The following C16orf96 variants were observed in gnomAD, a reference collection of about 807,000 sequenced individuals.
C16orf96 encodes chromosome 16 open reading frame 96.
Under a neutral mutation model 103.6 loss-of-function variants are expected in C16orf96, and 108 were observed. The observed-to-expected ratio is 1.04, with a 90% confidence interval of 0.89 to 1.22. The LOEUF is 1.22. Ranked by LOEUF, C16orf96 falls within the 50% of genes most tolerant of loss-of-function variation. The pLI is 0.00. For synonymous variants in C16orf96, 566 were observed against 593.5 expected (o/e 0.95, Z 0.67); for missense variants, 1,586 against 1,464.2 (o/e 1.08, Z -1.36).
chr16:4,541,201 C>T, the C16orf96 span, among the ~76,000 whole-genome samples: 28 of 152,284 alleles, frequency 1.8e-4, no homozygotes, highest in South Asian at 4.1e-4. Flanking sequence ...CGTGAGCCAC[C>T]GCGCCCGGCC....
chr16:4,578,975 G>A lies in C16orf96; in HGVS notation c.2191G>A (p.Val731Met), dbSNP rs1239462260. The A allele has an allele frequency of 1.9e-6, 3 of 1,551,480 alleles. No individual in the cohort carries two copies. The East Asian group carries it at 7.3e-5, about 38-fold the overall frequency. ...MGGPSSLGTT[V>M]DILQKKIGSL... ...AGGTCCTTCCAGCCTCGGGACAACAGTGGACATATTGCAGAAAAAGATTGG... is the reference window on the plus strand; with the variant it reads ...AGGTCCTTCCAGCCTCGGGACAACAATGGACATATTGCAGAAAAAGATTGG... The change falls in exon 6 of 16, where the codon GTG becomes ATG. Residue 731 changes from valine to methionine, a missense_variant. Coordinates refer to ENST00000444310, the MANE Select transcript of C16orf96 (RefSeq NM_001145011.2).
upstream of C16orf96, among the ~76,000 whole-genome samples, chr16:4,556,302 T>C (rs1482756535): frequency 6.6e-6 from 1 of 152,116 alleles, no homozygotes; most frequent in African/African-American, 2.4e-5. Flanking sequence ...CATTCTTTGG[T>C]GTCCTGGCAA....
intron 9 of C16orf96, among the ~76,000 whole-genome samples, 195 bp downstream of exon 9, chr16:4,588,526 C>G (rs540959174): frequency 6.6e-6 from 1 of 152,068 alleles, no homozygotes; most frequent in Non-Finnish European, 1.5e-5. Context: ...TCTGAAGGCT[C>G]GAATGAGGCT....
chr16:4,556,806 A>G lies in C16orf96; in HGVS notation c.317A>G (p.Gln106Arg). 1.3e-6 allele frequency: 2 copies of G among 1,551,650 alleles called. No homozygotes were observed. The highest frequency in any genetic ancestry group is 1.7e-6 in the Non-Finnish European group (2 of 1,147,008). Residue 106 changes from glutamine to arginine, a missense_variant, in exon 1 of 16, where the codon CAG (glutamine) becomes CGG (arginine). Gln to Arg is a conservative substitution (Grantham distance 43, BLOSUM62 1). Transcript: ENST00000444310. Reference protein sequence around the residue: ...ALLQDLPSTAQLLEASQGTAR... With the variant: ...ALLQDLPSTARLLEASQGTAR... ...CTGCAGGACCTGCCCTCCACTGCCCAGCTGCTGGAAGCCAGCCAGGGCACT... is the reference window on the plus strand; with the variant it reads ...CTGCAGGACCTGCCCTCCACTGCCCGGCTGCTGGAAGCCAGCCAGGGCACT...
At position 4,579,996 on chromosome 16, in the gene C16orf96, CTG is replaced by C. The variant is rs1402601078; in HGVS notation, c.2242-15_2242-14del. The C allele has an allele frequency of 6.5e-7, 1 of 1,544,944 alleles. No homozygotes were observed. Among genetic ancestry groups the C allele is most frequent in the Non-Finnish European group, 8.8e-7 (1 of 1,141,158 alleles). ...CTTCAGAAGCAGAGGCCTGGGGTGTCTGTGTCTCCCCCTTTTAGGAGGAAGAA... is the reference window on the plus strand; with the variant it reads ...CTTCAGAAGCAGAGGCCTGGGGTGTCTGTCTCCCCCTTTTAGGAGGAAGAA... On this transcript the variant is annotated splice_polypyrimidine_tract_variant and intron_variant, in intron 6 of 15. Coordinates refer to ENST00000444310, the MANE Select transcript of C16orf96 (RefSeq NM_001145011.2).
upstream of C16orf96, among the ~76,000 whole-genome samples, chr16:4,551,443 G>A (rs763842394): frequency 2.0e-5 from 3 of 151,952 alleles, no homozygotes; most frequent in African/African-American, 7.3e-5. Context: ...ACTCCATTTC[G>A]GGACTTTTGT....
In C16orf96 at chr16:4,556,894, T is replaced by A. The variant is rs1036921392; in HGVS notation, c.405T>A (p.Asp135Glu). ...TCCGGAAGATGGTGGAGGGTCATGA[T>A]GAAGTCATGGCCAAGGTACGCCCCC... ...IKLRKMVEGHDEVMAKSMQTL... is the reference protein window; with the variant it reads ...IKLRKMVEGHEEVMAKSMQTL... The change falls in exon 1 of 16, where the codon GAT (aspartate) becomes GAA (glutamate). Residue 135 changes from aspartate to glutamate, a missense_variant. Coordinates refer to ENST00000444310, the MANE Select transcript of C16orf96 (RefSeq NM_001145011.2). The A allele has an allele frequency of 3.0e-5, 46 of 1,544,904 alleles. No homozygotes were observed. Among genetic ancestry groups the A allele is most frequent in the Middle Eastern group, 3.3e-4 (2 of 5,992 alleles).
At chr16:4,549,667 G>C in the C16orf96 span, among the ~76,000 whole-genome samples, 3 of 151,944 alleles carry the variant, frequency 2.0e-5, no homozygotes, top group South Asian at 6.2e-4. Context: ...GCAGGGTTGC[G>C]GGCGCCTGCA....
intron 5 of C16orf96, 88 bp downstream of exon 5, chr16:4,576,723 T>A (rs7206416): frequency 0.047 from 60,979 of 1,287,230 alleles, 3,702 homozygotes; most frequent in African/African-American, 0.28. Context: ...TTCACTGGGC[T>A]CCACCAACAA....
chr16:4,597,447 G>T (rs1209129835), intron 14 of C16orf96, among the ~76,000 whole-genome samples: 3 of 152,142 alleles, frequency 2.0e-5, no homozygotes, highest in African/African-American at 4.8e-5. Context: ...TCATTCACTG[G>T]CCTCCCCAAG....
chr16:4,593,121 T>C lies in C16orf96; in HGVS notation c.2775-103T>C. The C allele has an allele frequency of 8.8e-7, 1 of 1,132,204 alleles. No individual in the cohort carries two copies. Among genetic ancestry groups the C allele is most frequent in the South Asian group, 1.3e-5 (1 of 74,198 alleles). 70.1% of individuals were successfully genotyped at this position (1,132,204 alleles called of 1,614,324 possible). A position where few individuals can be genotyped will look rare whatever the true frequency, so the allele number is the denominator to read the frequency against. ...GAGGGTGGTGACCTGAGTCTGCACC[T>C]CCTTCCTCCTGCTGGGAAGGCTTCC... On this transcript the variant is annotated intron_variant, in intron 11 of 15. Coordinates refer to ENST00000444310, the MANE Select transcript of C16orf96 (RefSeq NM_001145011.2). The surrounding 1 kb of genome is among the most constrained non-coding windows in gnomAD (Gnocchi z 4.2).
At chr16:4,560,659 C>T (rs1022042386) in intron 1 of C16orf96, 3 of 151,884 alleles carry the variant, frequency 2.0e-5, no homozygotes, top group African/African-American at 7.3e-5. Flanking sequence ...TTCAAAGACA[C>T]AAATAGGGCC....
chr16:4,594,801 C>T lies in C16orf96; in HGVS notation c.3125C>T (p.Ala1042Val). The change falls in exon 14 of 16, where the codon GCA becomes GTA. Residue 1042 changes from alanine (A) to valine (V), a missense_variant and splice_region_variant. By Grantham distance (64) the Ala-to-Val change is moderately conservative. Coordinates refer to ENST00000444310, the MANE Select transcript of C16orf96 (RefSeq NM_001145011.2). ...CCCTTGGCCGTCGCAAAGGAGCTGG[C>T]AGGTGAGGGGCGTAGGGCTCCCTGG... ...AQPLAVAKEL[A>V]AVKAPSPPSQ... 1 of 1,550,066 alleles carries T rather than the reference C, an allele frequency of 6.5e-7. No homozygotes were observed. Among genetic ancestry groups the T allele is most frequent in the Non-Finnish European group, 8.7e-7 (1 of 1,146,808 alleles).
At chr16:4,549,098 C>T in the C16orf96 span, among the ~76,000 whole-genome samples, 1 of 151,760 alleles carries the variant, frequency 6.6e-6, no homozygotes, top group Admixed American at 6.6e-5. Context: ...ATATGGAGAC[C>T]CTATTAAAAA....
Position 4,592,416 on chromosome 16 carries a change from C to A in C16orf96, c.2774+49C>A, listed in dbSNP as rs116643742. On this transcript the variant is annotated intron_variant, in intron 11 of 15. Transcript: ENST00000444310. ...CCCGGCCCTAAGGGCTTGTGGGGCCCATGGAGGTCATCTCCGTGCACCTCC... is the reference window on the plus strand; with the variant it reads ...CCCGGCCCTAAGGGCTTGTGGGGCCAATGGAGGTCATCTCCGTGCACCTCC... 1.8e-3 allele frequency: 2,735 copies of A among 1,545,678 alleles called. 34 individuals carry two copies. In the African/African-American group the frequency reaches 0.03, roughly 17 times the overall value.
chr16:4,577,968 T>G (rs910920895), intron 5 of C16orf96, among the ~76,000 whole-genome samples: 1 of 150,168 alleles, frequency 6.7e-6, no homozygotes, highest in Non-Finnish European at 1.5e-5. Flanking sequence ...AAAAAAAGCC[T>G]GAGTGGTGGC....
In C16orf96 at chr16:4,593,198, C is replaced by G; in HGVS notation, c.2775-26C>G. 1 of 1,548,048 alleles carries G rather than the reference C, an allele frequency of 6.5e-7. No homozygotes were observed. The highest frequency in any genetic ancestry group is 2.4e-5 in the East Asian group (1 of 40,868). On this transcript the variant is annotated intron_variant, in intron 11 of 15. Transcript: ENST00000444310. The surrounding 1 kb of genome is among the most constrained non-coding windows in gnomAD (Gnocchi z 4.2). ...CTGGCCTAGCACGCCTCCCACAGCC[C>G]CTGCTGTGCCCTTGTCCTCCAACAG...
chr16:4,593,095 C>A lies in C16orf96; in HGVS notation c.2775-129C>A. The A allele has an allele frequency of 1.2e-6, 1 of 836,934 alleles. No individual in the cohort carries two copies. Among genetic ancestry groups the A allele is most frequent in the Non-Finnish European group, 1.9e-6 (1 of 522,336 alleles). 51.8% of individuals were successfully genotyped at this position (836,934 alleles called of 1,614,324 possible). A position where few individuals can be genotyped will look rare whatever the true frequency, so the allele number is the denominator to read the frequency against. ...CTATGCTGTGGACGCTTCTGGCATT[C>A]GAGGGTGGTGACCTGAGTCTGCACC... On this transcript the variant is annotated intron_variant, in intron 11 of 15. Coordinates refer to ENST00000444310, the MANE Select transcript of C16orf96 (RefSeq NM_001145011.2). The surrounding 1 kb of genome is among the most constrained non-coding windows in gnomAD (Gnocchi z 4.2).
upstream of C16orf96, among the ~76,000 whole-genome samples, chr16:4,552,827 G>A (rs61086542): frequency 8.2e-3 from 1,244 of 152,282 alleles, 17 homozygotes; most frequent in African/African-American, 0.028. Flanking sequence ...AATGCTTGGT[G>A]TTGCCAGAAC....
Sources: allele counts gnomAD v4.1 joint callset (sites outside exome capture counted in the v4.1 genomes callset), GRCh38; gene constraint gnomAD v4.1.1; non-coding constraint Gnocchi (gnomAD v3.1); transcripts MANE v1.5; gene names NCBI Gene and HGNC (gene_info 2026-07-23, HGNC 2026-07-21).